The following PM20D1 variants were observed in gnomAD, a reference collection of about 807,000 sequenced individuals.
PM20D1 encodes the protein N-fatty-acyl-amino acid synthase/hydrolase PM20D1.
A neutral mutation model predicts 53.8 loss-of-function variants in PM20D1; 53 were observed. That is an observed-to-expected ratio of 0.98 (90% confidence interval 0.79 to 1.24). The LOEUF is 1.24. PM20D1 is among the 50% of genes most tolerant of loss of function. PM20D1 has a pLI of 0.00. For missense variants in PM20D1, 564 were observed against 616.8 expected, an observed-to-expected ratio of 0.91 and a Z score of 0.91; for synonymous variants, 239 against 241.3, an observed-to-expected ratio of 0.99 and a Z score of 0.09.
chr1:205,838,804 C>T (rs1038730913), intron 10 of PM20D1, among the ~76,000 whole-genome samples: 1 of 152,226 alleles, frequency 6.6e-6, no homozygotes, highest in Non-Finnish European at 1.5e-5. Flanking sequence ...ACTTGGTCAA[C>T]TACCCAGGTT....
At chr1:205,843,967 G>C in intron 5 of PM20D1, 120 bp downstream of exon 5, 1 of 1,477,520 alleles carries the variant, frequency 6.8e-7, no homozygotes, top group Non-Finnish European at 9.1e-7. Flanking sequence ...AGATTGGGGC[G>C]ATTAATGCGA....
chr1:205,849,858 G>C, intron 1 of PM20D1, 46 bp downstream of exon 1: 1 of 1,555,588 alleles, frequency 6.4e-7, no homozygotes, highest in Non-Finnish European at 8.7e-7. Flanking sequence ...TGGGGAGGGA[G>C]GGACCCACAT....
chr1:205,828,430 G>T lies in PM20D1; in HGVS notation c.*190C>A. On this transcript the variant is annotated 3_prime_UTR_variant, in exon 13 of 13. Transcript: ENST00000367136. ...AAGGGATGCAGATGTCGGGAGGAAG[G>T]GAGAAGCCAGATTTCTGCTGACTTT... The T allele has an allele frequency of 1.4e-6, 1 of 728,096 alleles. No individual in the cohort carries two copies. The highest frequency in any genetic ancestry group is 2.1e-6 in the Non-Finnish European group (1 of 473,916). The allele number at this position is 728,096 out of a possible 1,614,324, so 45.1% of individuals were successfully genotyped here. A position where few individuals can be genotyped will look rare whatever the true frequency, so the allele number is the denominator to read the frequency against.
chr1:205,838,785 GC>G (rs1656740653), intron 10 of PM20D1, among the ~76,000 whole-genome samples: 1 of 152,106 alleles, frequency 6.6e-6, no homozygotes, highest in South Asian at 2.1e-4. Flanking sequence ...TTAGTCAAAG[GC>G]ATTAACTACT....
chr1:205,844,303 C>G, intron 4 of PM20D1, 86 bp from the exon 5 acceptor site: 1 of 1,418,988 alleles, frequency 7.0e-7, no homozygotes, highest in Non-Finnish European at 9.3e-7. Flanking sequence ...TTCAGCCTAG[C>G]TAGGGGCTCC....
chr1:205,846,343 A>C (rs1002625361), intron 2 of PM20D1, among the ~76,000 whole-genome samples: 3 of 151,432 alleles, frequency 2.0e-5, no homozygotes, highest in Admixed American at 6.6e-5. Context: ...CCGAGATCAC[A>C]CCACTGCACT....
intron 10 of PM20D1, 104 bp from the exon 11 acceptor site, chr1:205,832,870 G>A (rs577045035): frequency 7.6e-7 from 1 of 1,320,712 alleles, no homozygotes; most frequent in South Asian, 1.6e-5. Flanking sequence ...AGAGCCTCAG[G>A]GTTTACAGAC....
Position 205,850,010 on chromosome 1 carries a change from G to C in PM20D1, c.63C>G (p.Thr21=), listed in dbSNP as rs768855458. The C allele has an allele frequency of 4.3e-6, 7 of 1,614,142 alleles. No individual in the cohort carries two copies. The highest frequency in any genetic ancestry group is 5.1e-6 in the Non-Finnish European group (6 of 1,180,018). ...LVAMLLLVFP[T]VSRSMGPRSG... is the part of the protein sequence containing the mutation. ...TCCTCGGGCCCATCGATCTGGAGAC[G>C]GTAGGGAAAACTAGGAGCAGCATAG... Residue 21 remains threonine, a synonymous_variant, in exon 1 of 13, where the codon ACC becomes ACG. Transcript: ENST00000367136.
rs1175089239 is a variant in PM20D1 at position 205,845,407 on chromosome 1, C to T, written c.407G>A (p.Trp136Ter). Residue 136 changes from tryptophan to a stop codon, truncating the protein, a stop_gained, in exon 3 of 13, where the codon TGG becomes TAG. Transcript: ENST00000367136. LOFTEE classifies it high-confidence loss of function. ...FDVVPAPEEG[W>*]EVPPFSGLER... ...CAACCCAGAGAATGGGGGCACCTCC[C>T]AGCCTTCTTCAGGGGCAGGCACCAC... The T allele has an allele frequency of 6.2e-7, 1 of 1,614,232 alleles. No homozygotes were observed. Among genetic ancestry groups the T allele is most frequent in the East Asian group, 2.2e-5 (1 of 44,882 alleles).
intron 10 of PM20D1, among the ~76,000 whole-genome samples, chr1:205,839,612 G>A (rs1558092277): frequency 6.6e-6 from 1 of 152,162 alleles, no homozygotes; most frequent in South Asian, 2.1e-4. Context: ...TTGGAAGGCC[G>A]AGGCGGGTGG....
chr1:205,829,547 CA>C (rs1333349102), intron 12 of PM20D1, among the ~76,000 whole-genome samples: 1 of 152,110 alleles, frequency 6.6e-6, no homozygotes, highest in Non-Finnish European at 1.5e-5. Flanking sequence ...CAGAGCAAAA[CA>C]AAACAAACAA....
At position 205,847,840 on chromosome 1, in the gene PM20D1, T is replaced by C. The variant is rs771203851; in HGVS notation, c.256+45A>G. The C allele has an allele frequency of 4.5e-6, 5 of 1,118,904 alleles. No individual in the cohort carries two copies. The African/African-American group carries it at 6.0e-5, about 14-fold the overall frequency. The allele number at this position is 1,118,904 out of a possible 1,614,324, so 69.3% of individuals were successfully genotyped here. ...ACTTTGTAAAAGAACTGTGTCTCCA[T>C]TGCTATTTCTACCACCCACCCCTTG... On this transcript the variant is annotated intron_variant, in intron 2 of 12. Transcript: ENST00000367136.
chr1:205,840,537 C>T (rs967965102), intron 9 of PM20D1, among the ~76,000 whole-genome samples: 1 of 152,174 alleles, frequency 6.6e-6, no homozygotes, highest in African/African-American at 2.4e-5. Context: ...TAAGCCAGAC[C>T]TTCCTGCTTC....
intron 3 of PM20D1, 106 bp downstream of exon 3, chr1:205,845,219 C>T: frequency 8.6e-7 from 1 of 1,169,356 alleles, no homozygotes; most frequent in Non-Finnish European, 1.2e-6. Flanking sequence ...TCTCCTGGAG[C>T]CAAGATTCTT....
chr1:205,832,863 G>T, intron 10 of PM20D1, 97 bp from the exon 11 acceptor site: 1 of 1,369,134 alleles, frequency 7.3e-7, no homozygotes, highest in Non-Finnish European at 9.8e-7. Context: ...GCAAGGCAGA[G>T]CCTCAGGGTT....
At chr1:205,832,519 G>C (rs141514711) in intron 11 of PM20D1, 79 bp downstream of exon 11, 3 of 1,472,890 alleles carry the variant, frequency 2.0e-6, no homozygotes, top group African/African-American at 2.8e-5. Flanking sequence ...CATCTAGGGT[G>C]GGGGTGGGGA....
intron 6 of PM20D1, among the ~76,000 whole-genome samples, chr1:205,843,161 T>C (rs1656855951): frequency 6.6e-6 from 1 of 152,190 alleles, no homozygotes; most frequent in African/African-American, 2.4e-5. Context: ...GCAACTCTTA[T>C]TTATTTTTGT....
chr1:205,831,036 G>A (rs1216273742), intron 11 of PM20D1, among the ~76,000 whole-genome samples: 1 of 152,170 alleles, frequency 6.6e-6, no homozygotes, highest in Non-Finnish European at 1.5e-5. Context: ...AAAATTTCCT[G>A]TTATTCTCAT....
intron 11 of PM20D1, among the ~76,000 whole-genome samples, 164 bp downstream of exon 11, chr1:205,832,430 GTTCT>G (rs1169350374): frequency 6.9e-6 from 1 of 145,304 alleles, no homozygotes; most frequent in African/African-American, 2.6e-5. Flanking sequence ...TCCTGTTTGC[GTTCT>G]CACTTCCACT....
Sources: gnomAD v4.1 joint callset for allele counts (sites outside exome capture counted in the v4.1 genomes callset) on GRCh38, gnomAD v4.1.1 for gene constraint, MANE v1.5 for transcripts, NCBI Gene and HGNC (gene_info 2026-07-23, HGNC 2026-07-21) for gene names.